The following CDH18 variants were observed in gnomAD, a reference collection of about 807,000 sequenced individuals.
CDH18 encodes the protein cadherin 18.
A neutral mutation model predicts 67.9 loss-of-function variants in CDH18; 31 were observed. That is an observed-to-expected ratio of 0.46 (90% CI 0.34 to 0.62). The LOEUF is 0.62. Ranked by LOEUF, CDH18 falls within the 20% of genes least tolerant of loss-of-function variation. The pLI, the probability that CDH18 is intolerant of heterozygous loss-of-function variation, is 0.01. For missense variants in CDH18, 890 were observed against 975.5 expected (o/e 0.91, Z 1.17); for synonymous variants, 362 against 347.2 (o/e 1.04, Z -0.48).
chr5:19,947,585 CAAAAAAAAAAAAAAAAA>C (rs35601486), intron 2 of CDH18, among the ~76,000 whole-genome samples: 1 of 53,294 alleles, frequency 1.9e-5, no homozygotes, highest in African/African-American at 4.4e-5. Context: ...TACTAAAATA[CAAAAAAAAAAAAAAAAA>C]AAAAAAAAAA....
At chr5:20,415,690 G>A (rs11742428) in intron 1 of CDH18, among the ~76,000 whole-genome samples, 61,300 of 151,572 alleles carry the variant, frequency 0.4, 14,200 homozygotes, top group Non-Finnish European at 0.52. Flanking sequence ...GGAGAATGGC[G>A]TGAACTTGGG....
intron 2 of CDH18, among the ~76,000 whole-genome samples, chr5:19,969,221 T>C (rs1352505226): frequency 6.8e-5 from 10 of 146,526 alleles, no homozygotes; most frequent in Non-Finnish European, 1.5e-4. Flanking sequence ...TGTGGAGAAA[T>C]AGGAACACTT....
At chr5:19,786,433 T>C (rs1775778921) in intron 3 of CDH18, among the ~76,000 whole-genome samples, 1 of 152,184 alleles carries the variant, frequency 6.6e-6, no homozygotes, top group African/African-American at 2.4e-5. Flanking sequence ...ATTTTTAGGC[T>C]AAACTACTGA....
intron 1 of CDH18, among the ~76,000 whole-genome samples, chr5:20,350,250 G>T (rs941259385): frequency 1.3e-5 from 2 of 152,000 alleles, no homozygotes; most frequent in Non-Finnish European, 2.9e-5. Context: ...TTTTCAATTT[G>T]ATATACACAA....
intron 3 of CDH18, among the ~76,000 whole-genome samples, chr5:19,833,433 G>A (rs1781276950): frequency 6.6e-6 from 1 of 151,974 alleles, no homozygotes; most frequent in Admixed American, 6.6e-5. Context: ...TAGATGATGG[G>A]GTTTTCTAAA....
intron 3 of CDH18, among the ~76,000 whole-genome samples, chr5:19,775,702 C>T (rs1774288477): frequency 6.6e-6 from 1 of 152,104 alleles, no homozygotes; most frequent in Non-Finnish European, 1.5e-5. Flanking sequence ...GAGATTTAGA[C>T]GGAGACAAAT....
chr5:20,356,148 C>T (rs1741587927), intron 1 of CDH18, among the ~76,000 whole-genome samples: 2 of 152,158 alleles, frequency 1.3e-5, no homozygotes, highest in South Asian at 2.1e-4. Flanking sequence ...TTTGGGAGGC[C>T]GAGGTGGGCG....
At chr5:19,776,672 C>G (rs942398464) in intron 3 of CDH18, among the ~76,000 whole-genome samples, 2 of 152,088 alleles carry the variant, frequency 1.3e-5, no homozygotes, top group Non-Finnish European at 2.9e-5. Flanking sequence ...AAAAGTAAGC[C>G]CATAGACTTC....
intron 3 of CDH18, among the ~76,000 whole-genome samples, chr5:19,836,421 A>G (rs1021690589): frequency 1.3e-5 from 2 of 152,152 alleles, no homozygotes; most frequent in Non-Finnish European, 2.9e-5. Flanking sequence ...ATGTCCAGTG[A>G]TGATGTACTT....
At chr5:20,162,319 A>G (rs1270163760) in intron 2 of CDH18, among the ~76,000 whole-genome samples, 1 of 151,420 alleles carries the variant, frequency 6.6e-6, no homozygotes, top group Non-Finnish European at 1.5e-5. Context: ...TAATTTTACG[A>G]AGTACTTTTA....
intron 2 of CDH18, among the ~76,000 whole-genome samples, chr5:20,083,872 C>T (rs1000078437): frequency 6.6e-6 from 1 of 152,100 alleles, no homozygotes; most frequent in Non-Finnish European, 1.5e-5. Flanking sequence ...AAAGACTTGC[C>T]CCCATGATTC....
In CDH18 at chr5:19,473,550, C is replaced by T. The variant is rs759713032; in HGVS notation, c.2049G>A (p.Glu683=). ...TGATATCCCTCCGGTACTTGAGCTCCTCAGCAGCAGAAGGATTCCTCAAGG... is the reference window on the plus strand; with the variant it reads ...TGATATCCCTCCGGTACTTGAGCTCTTCAGCAGCAGAAGGATTCCTCAAGG... The part of the protein sequence containing the change: ...ITALRNPSAA[E]ELKYRRDIRP... The change falls in exon 13 of 13, where the codon GAG becomes GAA. Residue 683 remains glutamate (E), a synonymous_variant. Transcript: ENST00000382275. 1.2e-6 allele frequency: 2 copies of T among 1,613,854 alleles called. No individual in the cohort carries two copies. Among genetic ancestry groups the T allele is most frequent in the Admixed American group, 3.3e-5 (2 of 59,966 alleles).
chr5:19,653,727 G>A (rs1755914440), intron 5 of CDH18, among the ~76,000 whole-genome samples: 1 of 152,150 alleles, frequency 6.6e-6, no homozygotes, highest in Non-Finnish European at 1.5e-5. Context: ...TGGGCTTTCT[G>A]TCTCTTCCAC....
intron 6 of CDH18, among the ~76,000 whole-genome samples, chr5:19,608,493 A>G (rs539528104): frequency 1.8e-4 from 27 of 151,718 alleles, no homozygotes; most frequent in Non-Finnish European, 3.4e-4. Flanking sequence ...GAAAATAATA[A>G]AAACAACAGC....
At chr5:19,959,373 T>A (rs1238871864) in intron 2 of CDH18, among the ~76,000 whole-genome samples, 1 of 152,046 alleles carries the variant, frequency 6.6e-6, no homozygotes, top group East Asian at 1.9e-4. Context: ...ATGGGAATTT[T>A]AAAAAATGCA....
chr5:19,860,800 A>G (rs1026407970), intron 2 of CDH18, among the ~76,000 whole-genome samples: 4 of 152,230 alleles, frequency 2.6e-5, no homozygotes, highest in African/African-American at 9.6e-5. Context: ...GAACCTAAAT[A>G]CACATAACCG....
chr5:20,385,076 A>G (rs1026297233), intron 1 of CDH18, among the ~76,000 whole-genome samples: 1 of 152,068 alleles, frequency 6.6e-6, no homozygotes. Flanking sequence ...ACCTCAAGTA[A>G]TCTGCCCACT....
intron 10 of CDH18, among the ~76,000 whole-genome samples, chr5:19,503,462 TA>T (rs1453878731): frequency 2.0e-5 from 3 of 152,244 alleles, no homozygotes; most frequent in Admixed American, 6.6e-5. Context: ...TGCATAAATA[TA>T]AATATCCCAG....
intron 1 of CDH18, among the ~76,000 whole-genome samples, chr5:20,443,630 T>C (rs1164454182): frequency 6.6e-6 from 1 of 151,998 alleles, no homozygotes; most frequent in African/African-American, 2.4e-5. Context: ...GAGTAACTAA[T>C]AGCAGAAAAT....
Sources: allele counts gnomAD v4.1 joint callset (sites outside exome capture counted in the v4.1 genomes callset), GRCh38; gene constraint gnomAD v4.1.1; transcripts MANE v1.5; gene names NCBI Gene and HGNC (gene_info 2026-07-23, HGNC 2026-07-21).